TTLL7: variants seen among roughly 807,000 people sequenced by gnomAD.
TTLL7 encodes the protein tubulin polyglutamylase TTLL7.
In TTLL7, 53 loss-of-function variants were observed where a neutral mutation model predicts 120.2. That is an observed-to-expected ratio of 0.44 (90% CI 0.35 to 0.55). The LOEUF is 0.55. Ranked by LOEUF, TTLL7 falls within the 20% of genes least tolerant of loss-of-function variation. The pLI is 0.00. For missense variants in TTLL7, 803 were observed against 1,054.7 expected (o/e 0.76, Z 3.31); for synonymous variants, 353 against 351.7 (o/e 1.00, Z -0.04).
In TTLL7 at chr1:83,952,302, G is replaced by T; in HGVS notation, c.-91C>A. The T allele has an allele frequency of 1.5e-6, 2 of 1,341,310 alleles. No individual in the cohort carries two copies. Among genetic ancestry groups the T allele is most frequent in the East Asian group, 2.4e-5 (1 of 41,860 alleles). 83.1% of individuals were successfully genotyped at this position (1,341,310 alleles called of 1,614,324 possible). A position where few individuals can be genotyped will look rare whatever the true frequency, so the allele number is the denominator to read the frequency against. On this transcript the variant is annotated 5_prime_UTR_variant, in exon 2 of 21. Transcript: ENST00000260505. Reference sequence around the variant, plus strand: ...TCCACATTAGTCTAAGTAGGATATGGCCCCAAATCACTGAAAGTTCTTATC... The same window carrying T: ...TCCACATTAGTCTAAGTAGGATATGTCCCCAAATCACTGAAAGTTCTTATC...
chr1:83,984,530 C>A (rs990532122), intron 1 of TTLL7, among the ~76,000 whole-genome samples: 3 of 152,188 alleles, frequency 2.0e-5, no homozygotes, highest in Admixed American at 6.5e-5. Context: ...AACCGAGGTG[C>A]CCATCAACAG....
intron 8 of TTLL7, among the ~76,000 whole-genome samples, chr1:83,934,548 A>G (rs947618161): frequency 6.6e-6 from 1 of 152,218 alleles, no homozygotes; most frequent in Non-Finnish European, 1.5e-5. Flanking sequence ...CTGGCTCTCA[A>G]TATTTTCTGA....
intron 18 of TTLL7, among the ~76,000 whole-genome samples, chr1:83,899,745 G>A (rs1474863161): frequency 6.6e-6 from 1 of 151,246 alleles, no homozygotes; most frequent in Non-Finnish European, 1.5e-5. Context: ...CGAAGCAGCA[G>A]CAAAGGAGCT....
intron 15 of TTLL7, among the ~76,000 whole-genome samples, chr1:83,910,355 G>A (rs1657573366): frequency 6.6e-6 from 1 of 152,120 alleles, no homozygotes; most frequent in Non-Finnish European, 1.5e-5. Context: ...GAGGCAAATA[G>A]AAATATGAGA....
chr1:83,871,896 C>CAAAAAAAA (rs1281907006), intron 20 of TTLL7, among the ~76,000 whole-genome samples: 1 of 43,998 alleles, frequency 2.3e-5, no homozygotes, highest in Non-Finnish European at 5.1e-5. Context: ...GACTCCATCT[C>CAAAAAAAA]AAAAAAAAAA....
chr1:83,983,072 CT>C (rs1182987442), intron 1 of TTLL7, among the ~76,000 whole-genome samples: 5 of 152,136 alleles, frequency 3.3e-5, no homozygotes, highest in Non-Finnish European at 7.3e-5. Flanking sequence ...GGGCTCACAC[CT>C]GTAATCCCAG....
intron 1 of TTLL7, among the ~76,000 whole-genome samples, chr1:83,955,381 T>C (rs988368739): frequency 6.6e-6 from 1 of 152,150 alleles, no homozygotes; most frequent in Non-Finnish European, 1.5e-5. Flanking sequence ...TAGTCCCCAA[T>C]GAAACAGTAT....
Position 83,972,938 on chromosome 1 carries a change from T to C in TTLL7, c.-176-20551A>G, listed in dbSNP as rs947499281. Among the ~76,000 whole-genome samples the C allele has an allele frequency of 1.4e-4, 21 of 152,258 alleles. No homozygotes were observed. In the East Asian group the frequency reaches 3.7e-3, roughly 27 times the overall value. On this transcript the variant is annotated intron_variant, in intron 1 of 20. Transcript: ENST00000260505. ...AGTTGTTTGTTTTCTTATTGTTGAG[T>C]TTTAAGAGTTCTTTGTATATTCTGG...
intron 1 of TTLL7, among the ~76,000 whole-genome samples, chr1:83,977,499 A>T (rs1651599796): frequency 6.6e-6 from 1 of 152,052 alleles, no homozygotes; most frequent in African/African-American, 2.4e-5. Flanking sequence ...AAATGACTTT[A>T]TGATGTTTTA....
chr1:83,990,421 C>T (rs1652885969), intron 1 of TTLL7, among the ~76,000 whole-genome samples: 2 of 152,016 alleles, frequency 1.3e-5, no homozygotes. Context: ...ATGATCCACC[C>T]GCCTCGGCCT....
intron 15 of TTLL7, among the ~76,000 whole-genome samples, chr1:83,910,399 A>G (rs1055510692): frequency 1.3e-5 from 2 of 152,172 alleles, no homozygotes; most frequent in Non-Finnish European, 2.9e-5. Flanking sequence ...GACTGGAGGC[A>G]GCATCAGGAA....
intron 2 of TTLL7, 64 bp from the exon 3 acceptor site, chr1:83,952,040 A>T (rs962527580): frequency 1.3e-6 from 2 of 1,549,454 alleles, no homozygotes; most frequent in African/African-American, 2.8e-5. Flanking sequence ...GACAACACAA[A>T]TACCACCCCC....
At chr1:83,900,604 C>T (rs1656637603) in intron 18 of TTLL7, among the ~76,000 whole-genome samples, 1 of 152,070 alleles carries the variant, frequency 6.6e-6, no homozygotes, top group African/African-American at 2.4e-5. Context: ...CCTACCTCAA[C>T]ACAAAACAAA....
intron 20 of TTLL7, among the ~76,000 whole-genome samples, chr1:83,880,801 G>A (rs913996607): frequency 5.4e-4 from 82 of 152,120 alleles, no homozygotes; most frequent in African/African-American, 1.8e-3. Context: ...TAAGCCAAAA[G>A]AACAAAGCTG....
rs1266718620 is a variant in TTLL7, at chr1:83,952,204, G to A, written c.8C>T (p.Ser3Phe). MP[S>F]LPQEGVIQGP... is the part of the protein sequence containing the mutation. ...TTCCCTACCTCCTTCTTGAGGCAGA[G>A]ATGGCATTATTGCCTGTGCTGATTA... The change falls in exon 2 of 21, where the codon TCT (serine) becomes TTT (phenylalanine). Residue 3 changes from serine (S) to phenylalanine (F), a missense_variant. Physicochemically the swap from Ser to Phe is radical, Grantham distance 155. This residue lies in a region of TTLL7 where 91 missense variants were observed against 96.6 expected (regional missense o/e 0.94). Transcript: ENST00000260505. The A allele has an allele frequency of 6.2e-7, 1 of 1,613,998 alleles. No individual in the cohort carries two copies. Among genetic ancestry groups the A allele is most frequent in the Non-Finnish European group, 8.5e-7 (1 of 1,179,924 alleles).
At chr1:83,945,026 G>A (rs1648350989) in intron 6 of TTLL7, among the ~76,000 whole-genome samples, 1 of 151,932 alleles carries the variant, frequency 6.6e-6, no homozygotes, top group African/African-American at 2.4e-5. Context: ...AATGACAAGG[G>A]AATTAAAATG....
At position 83,900,054 on chromosome 1, in the gene TTLL7, G is replaced by T. The variant is rs145228242; in HGVS notation, c.2208+4025C>A. ...TAATAACCCTAAAACATATGAAATT[G>T]TTTCTTCCAATTCACAAATATTATT... On this transcript the variant is annotated intron_variant, in intron 18 of 20. Transcript: ENST00000260505. 277 of 352,062 alleles carry T rather than the reference G, an allele frequency of 7.9e-4. 3 individuals carry two copies. In the East Asian group the frequency reaches 0.023, roughly 29 times the overall value. The allele number at this position is 352,062 out of a possible 1,614,324, so 21.8% of individuals were successfully genotyped here. A position where few individuals can be genotyped will look rare whatever the true frequency, so the allele number is the denominator to read the frequency against.
At chr1:83,875,060 A>C (rs1653807962) in intron 20 of TTLL7, among the ~76,000 whole-genome samples, 1 of 151,882 alleles carries the variant, frequency 6.6e-6, no homozygotes, top group Non-Finnish European at 1.5e-5. Context: ...TAAAACATAA[A>C]TGTTCCATTG....
At chr1:83,892,946 G>GAAAGAAAGAAAGAA (rs1655886242) in intron 18 of TTLL7, among the ~76,000 whole-genome samples, 1 of 111,790 alleles carries the variant, frequency 8.9e-6, no homozygotes, top group Non-Finnish European at 1.6e-5. Context: ...AAGAAAGAAA[G>GAAAGAAAGAAAGAA]AAAGAAAAGA....
Sources: allele counts gnomAD v4.1 joint callset (sites outside exome capture counted in the v4.1 genomes callset), GRCh38; gene constraint gnomAD v4.1.1; regional missense constraint gnomAD v4.1.1; transcripts MANE v1.5; gene names NCBI Gene and HGNC (gene_info 2026-07-23, HGNC 2026-07-21).